The following KIF26B variants were observed in gnomAD, a reference collection of about 807,000 sequenced individuals.
KIF26B encodes the protein kinesin-like protein KIF26B.
In KIF26B, 63 loss-of-function variants were observed where a neutral mutation model predicts 151.2. The ratio of observed to expected loss-of-function variants is 0.42; its 90% CI spans 0.34 to 0.51. The LOEUF (loss-of-function observed/expected upper bound fraction) is 0.51. KIF26B is among the 20% of genes least tolerant of loss of function. The probability of loss-of-function intolerance (pLI) is 0.07; values close to 1 mark genes in which losing one functional copy is unlikely to be tolerated. For synonymous variants in KIF26B, 1,357 were observed against 1,262.1 expected (o/e 1.08, Z -1.59); for missense variants, 2,813 against 2,913.6 (o/e 0.97, Z 0.79).
intron 4 of KIF26B, among the ~76,000 whole-genome samples, chr1:245,537,585 T>C (rs1558204655): frequency 6.6e-6 from 1 of 152,094 alleles, no homozygotes; most frequent in Non-Finnish European, 1.5e-5. Context: ...GTAGTAAAGG[T>C]GGTGAGAGGT....
chr1:245,579,658 AAAACAAACAAACAAAC>A (rs60952626), intron 5 of KIF26B, among the ~76,000 whole-genome samples: 36 of 148,628 alleles, frequency 2.4e-4, no homozygotes, highest in Middle Eastern at 6.9e-3. Flanking sequence ...AAAAATACAA[AAAACAAACAAACAAAC>A]AAACAAACAA....
chr1:245,187,736 T>A (rs1669024433), intron 2 of KIF26B, among the ~76,000 whole-genome samples: 2 of 152,126 alleles, frequency 1.3e-5, no homozygotes, highest in Non-Finnish European at 1.5e-5. Context: ...GGGAGGTTGA[T>A]GAGAGTGTAA....
At chr1:245,587,137 C>G (rs1410969918) in intron 5 of KIF26B, among the ~76,000 whole-genome samples, 1 of 152,182 alleles carries the variant, frequency 6.6e-6, no homozygotes, top group African/African-American at 2.4e-5. Flanking sequence ...GCACCTTGGC[C>G]ATGCTGCCCA....
intron 3 of KIF26B, among the ~76,000 whole-genome samples, chr1:245,393,519 A>G (rs1256954401): frequency 6.6e-6 from 1 of 151,992 alleles, no homozygotes; most frequent in Non-Finnish European, 1.5e-5. Context: ...ATATTTGGTG[A>G]TCCTTGGCTG....
chr1:245,156,433 G>T lies in KIF26B; in HGVS notation c.215G>T (p.Gly72Val). 6.5e-7 allele frequency: 1 copy of T among 1,528,140 alleles called. No homozygotes were observed. Among genetic ancestry groups the T allele is most frequent in the Non-Finnish European group, 8.8e-7 (1 of 1,140,808 alleles). The allele number at this position is 1,528,140 out of a possible 1,614,324, so 94.7% of individuals were successfully genotyped here. A position where few individuals can be genotyped will look rare whatever the true frequency, so the allele number is the denominator to read the frequency against. The change falls in exon 2 of 15, where the codon GGC (glycine) becomes GTC (valine). Residue 72 changes from glycine to valine, a missense_variant. Coordinates refer to ENST00000407071, the MANE Select transcript of KIF26B (RefSeq NM_018012.4). ...GGCTCCTCGGGGACCCCGTCTCCCG[G>T]CTCGGGCACCTCGTCCCCGAGCTCG... is the stretch of plus-strand genomic sequence containing the variant. Reference protein sequence around the residue: ...ALGSSGTPSPGSGTSSPSSFT... With the variant: ...ALGSSGTPSPVSGTSSPSSFT...
chr1:245,327,758 T>C (rs1277186537), intron 2 of KIF26B, among the ~76,000 whole-genome samples: 1 of 152,218 alleles, frequency 6.6e-6, no homozygotes, highest in Non-Finnish European at 1.5e-5. Context: ...CTGCAACACA[T>C]GGACATATTT....
At chr1:245,295,234 G>A (rs1232652662) in intron 2 of KIF26B, among the ~76,000 whole-genome samples, 2 of 152,144 alleles carry the variant, frequency 1.3e-5, no homozygotes, top group African/African-American at 4.8e-5. Context: ...CACACCATTG[G>A]TTTAAAATTT....
chr1:245,562,607 C>T (rs1292336829), intron 5 of KIF26B, among the ~76,000 whole-genome samples: 1 of 145,472 alleles, frequency 6.9e-6, no homozygotes. Flanking sequence ...TTCCCCCATG[C>T]TCTTCTCTCT....
intron 9 of KIF26B, among the ~76,000 whole-genome samples, chr1:245,631,268 A>G (rs762119808): frequency 5.9e-5 from 9 of 152,184 alleles, no homozygotes; most frequent in Non-Finnish European, 4.4e-5. Flanking sequence ...TGGGTTTGTC[A>G]TATATGACCT....
chr1:245,349,423 T>C (rs1368720370), intron 2 of KIF26B, among the ~76,000 whole-genome samples: 2 of 152,168 alleles, frequency 1.3e-5, no homozygotes, highest in African/African-American at 4.8e-5. Flanking sequence ...ATAATAACAT[T>C]AACAGGTTGT....
rs1255205315 is a variant in KIF26B at position 245,563,888 on chromosome 1, C to T, written c.1350+22938C>T. Among the ~76,000 whole-genome samples the T allele has an allele frequency of 1.3e-5, 2 of 152,140 alleles. No individual in the cohort carries two copies. Among genetic ancestry groups the T allele is most frequent in the East Asian group, 1.9e-4 (1 of 5,190 alleles). Reference sequence around the variant, plus strand: ...ACCTTGCTCTCCTCCTCGGGTCAGGCCTGCCGACCCTGCACTACAGGTTCC... The same window carrying T: ...ACCTTGCTCTCCTCCTCGGGTCAGGTCTGCCGACCCTGCACTACAGGTTCC... On this transcript the variant is annotated intron_variant, in intron 5 of 14. Coordinates refer to ENST00000407071, the MANE Select transcript of KIF26B (RefSeq NM_018012.4). This position sits in a 1 kb window ranked among gnomAD's most constrained non-coding sequence, Gnocchi z 4.6.
At chr1:245,230,871 C>T (rs1381333049) in intron 2 of KIF26B, among the ~76,000 whole-genome samples, 2 of 151,584 alleles carry the variant, frequency 1.3e-5, no homozygotes, top group East Asian at 3.9e-4. Flanking sequence ...ATTGCACAAG[C>T]ATTTAAAGAA....
intron 5 of KIF26B, among the ~76,000 whole-genome samples, chr1:245,579,043 G>A (rs957095304): frequency 3.3e-5 from 5 of 151,596 alleles, no homozygotes; most frequent in African/African-American, 7.3e-5. Context: ...GGGAAAAAAA[G>A]TCCTTTCTAA....
rs755075008 is a variant in KIF26B, at chr1:245,367,011, G to A, written c.643G>A (p.Asp215Asn). ...GCAGGCAGCCGGCAGTGAGCACTAC[G>A]ACGCCTCGCCCTGCTCCCCGCCACC... ...LEQAAGSEHYDASPCSPPPLS... is the reference protein window; with the variant it reads ...LEQAAGSEHYNASPCSPPPLS... The change falls in exon 3 of 15, where the codon GAC becomes AAC. Residue 215 changes from aspartate to asparagine, a missense_variant. Physicochemically the swap from Asp to Asn is conservative, Grantham distance 23. Transcript: ENST00000407071. This position sits in a 1 kb window ranked among gnomAD's most constrained non-coding sequence, Gnocchi z 4.2. The A allele has an allele frequency of 1.2e-5, 20 of 1,612,708 alleles. No individual in the cohort carries two copies. Among genetic ancestry groups the A allele is most frequent in the Middle Eastern group, 1.6e-4 (1 of 6,082 alleles).
At chr1:245,499,313 T>C (rs1200337400) in intron 4 of KIF26B, among the ~76,000 whole-genome samples, 2 of 152,100 alleles carry the variant, frequency 1.3e-5, no homozygotes, top group Admixed American at 1.3e-4. Context: ...AGGATTAACC[T>C]AGGTTAATCC....
In KIF26B at chr1:245,564,569, C is replaced by T. The variant is rs1310565474; in HGVS notation, c.1350+23619C>T. ...ACTCCTTTCACTGTGCATCTTTAGA[C>T]GAAGCATCAACAAAGGCTTTTTCAC... On this transcript the variant is annotated intron_variant, in intron 5 of 14. Coordinates refer to ENST00000407071, the MANE Select transcript of KIF26B (RefSeq NM_018012.4). The surrounding 1 kb of genome is among the most constrained non-coding windows in gnomAD (Gnocchi z 4.6). 2.0e-5 allele frequency among the ~76,000 whole-genome samples: 3 copies of T among 152,098 alleles called. No individual in the cohort carries two copies. The highest frequency in any genetic ancestry group is 6.5e-5 in the Admixed American group (1 of 15,274).
intron 2 of KIF26B, among the ~76,000 whole-genome samples, chr1:245,246,033 CATGAGCCG>C: frequency 6.7e-6 from 1 of 149,778 alleles, no homozygotes; most frequent in Non-Finnish European, 1.5e-5. Context: ...CGGAGCTTGC[CATGAGCCG>C]AGATCGTGCC....
In KIF26B at chr1:245,702,446, C is replaced by G. The variant is rs2044784653; in HGVS notation, c.6179-12C>G. 5 of 1,613,812 alleles carry G rather than the reference C, an allele frequency of 3.1e-6. No homozygotes were observed. Among genetic ancestry groups the G allele is most frequent in the Non-Finnish European group, 4.2e-6 (5 of 1,179,782 alleles). On this transcript the variant is annotated splice_polypyrimidine_tract_variant and intron_variant, in intron 14 of 14. Transcript: ENST00000407071. The surrounding 1 kb of genome is among the most constrained non-coding windows in gnomAD (Gnocchi z 4.1). ...TGCTCTGCGTCTCCATCAGGCTCTT[C>G]CTCTCTTGCAGTTGACTTGGAGCAG... is the stretch of plus-strand genomic sequence containing the variant.
In KIF26B at chr1:245,227,641, A is replaced by C. The variant is rs147369450; in HGVS notation, c.465+70958A>C. Among the ~76,000 whole-genome samples the C allele has an allele frequency of 5.5e-3, 832 of 152,320 alleles. 9 individuals are homozygous for C. Among genetic ancestry groups the C allele is most frequent in the African/African-American group, 0.019 (776 of 41,582 alleles). ...ACAGTATTAGACTCACTGTTTCCTG[A>C]GCCACTAAATGTATCAGACTGTTAT... On this transcript the variant is annotated intron_variant, in intron 2 of 14. Coordinates refer to ENST00000407071, the MANE Select transcript of KIF26B (RefSeq NM_018012.4). This position sits in a 1 kb window ranked among gnomAD's most constrained non-coding sequence, Gnocchi z 4.1.
Sources: allele counts gnomAD v4.1 joint callset (sites outside exome capture counted in the v4.1 genomes callset), GRCh38; gene constraint gnomAD v4.1.1; non-coding constraint Gnocchi (gnomAD v3.1); transcripts MANE v1.5; gene names NCBI Gene and HGNC (gene_info 2026-07-23, HGNC 2026-07-21).